The following NBN variants were observed in gnomAD, a reference collection of about 807,000 sequenced individuals.
The protein encoded by NBN is nibrin, also known as Nijmegen breakage syndrome 1 (nibrin).
A neutral mutation model predicts 90.8 loss-of-function variants in NBN; 88 were observed. That is an observed-to-expected ratio of 0.97 (90% confidence interval 0.82 to 1.16). The LOEUF is 1.16. Among genes scored for constraint, NBN ranks in the 50% most tolerant of loss-of-function variants. The probability of loss-of-function intolerance (pLI) is 0.00; values close to 1 mark genes in which losing one functional copy is unlikely to be tolerated. For synonymous variants in NBN, 328 were observed against 295.1 expected, an observed-to-expected ratio of 1.11 and a Z score of -1.14; for missense variants, 894 against 869.6, an observed-to-expected ratio of 1.03 and a Z score of -0.35.
chr8:89,982,498 CAA>C (rs1812116714), intron 2 of NBN: 2 of 564,302 alleles, frequency 3.5e-6, no homozygotes, highest in Admixed American at 3.3e-5. Context: ...CTAACTAAAA[CAA>C]AGAGTAAATT....
intron 9 of NBN, among the ~76,000 whole-genome samples, chr8:89,958,502 A>T (rs375430875): frequency 4.2e-4 from 64 of 152,262 alleles, no homozygotes; most frequent in Non-Finnish European, 9.0e-4. Context: ...AGAGTGGAGG[A>T]GCTGGGACAG....
At chr8:89,947,668 T>G (rs1288553224) in intron 12 of NBN, among the ~76,000 whole-genome samples, 156 bp downstream of exon 12, 1 of 151,676 alleles carries the variant, frequency 6.6e-6, no homozygotes, top group Non-Finnish European at 1.5e-5. Context: ...ATAATAATAA[T>G]AATAATACCA....
chr8:89,943,383 G>T lies in NBN; in HGVS notation c.2071-17C>A, dbSNP rs776240552. ...ATATGTGACCTATTGAATAATAAAA[G>T]TAGTACAGTAAATCATATTAACAAA... On this transcript the variant is annotated splice_polypyrimidine_tract_variant and intron_variant, in intron 13 of 15. Transcript: ENST00000265433. 1.9e-6 allele frequency: 3 copies of T among 1,596,948 alleles called. No individual in the cohort carries two copies. In the South Asian group the frequency reaches 3.3e-5, roughly 18 times the overall value.
intron 9 of NBN, among the ~76,000 whole-genome samples, chr8:89,956,497 CTA>C (rs1810724382): frequency 6.6e-6 from 1 of 152,064 alleles, no homozygotes; most frequent in Non-Finnish European, 1.5e-5. Context: ...CATAGAAAAA[CTA>C]TCTTTATGGA....
chr8:89,970,733 TG>T (rs1485866814), intron 6 of NBN, 176 bp from the exon 7 acceptor site: 1 of 180,780 alleles, frequency 5.5e-6, no homozygotes, highest in East Asian at 1.9e-4. Flanking sequence ...TCTGCGGCCC[TG>T]GAACTGTTAC....
chr8:89,963,114 A>T (rs1232485083), intron 8 of NBN, among the ~76,000 whole-genome samples: 4 of 152,226 alleles, frequency 2.6e-5, no homozygotes, highest in African/African-American at 9.6e-5. Context: ...TGCACACTCC[A>T]GAGACAGCAG....
intron 13 of NBN, among the ~76,000 whole-genome samples, chr8:89,945,172 A>G (rs1057221119): frequency 1.3e-5 from 2 of 152,174 alleles, no homozygotes; most frequent in African/African-American, 4.8e-5. Context: ...ATTTAATGAG[A>G]TCTTATAACA....
At chr8:89,983,287 A>G (rs1166518857) in intron 1 of NBN, among the ~76,000 whole-genome samples, 2 of 152,082 alleles carry the variant, frequency 1.3e-5, no homozygotes, top group Non-Finnish European at 2.9e-5. Context: ...TCAGGAAACT[A>G]TAAAAAAAGA....
chr8:89,956,480 A>G (rs572245926), intron 9 of NBN, among the ~76,000 whole-genome samples: 2 of 152,106 alleles, frequency 1.3e-5, no homozygotes, highest in Non-Finnish European at 2.9e-5. Flanking sequence ...CTCTTCAGAT[A>G]AAGAACCATA....
intron 15 of NBN, among the ~76,000 whole-genome samples, chr8:89,936,611 C>T (rs1383678591): frequency 1.3e-5 from 2 of 152,144 alleles, no homozygotes; most frequent in East Asian, 1.9e-4. Flanking sequence ...AAACCTCCCA[C>T]AAAAACCTGC....
In NBN at chr8:89,964,500, G is replaced by C. The variant is rs2129787198; in HGVS notation, c.904C>G (p.Leu302Val). The C allele has an allele frequency of 6.3e-7, 1 of 1,590,410 alleles. No individual in the cohort carries two copies. Among genetic ancestry groups the C allele is most frequent in the Non-Finnish European group, 8.6e-7 (1 of 1,158,702 alleles). ...SIMDMLQRQGLRPIPEAEIGL... is the reference protein window; with the variant it reads ...SIMDMLQRQGVRPIPEAEIGL... ...ATTTCTGCTTCAGGAATAGGTCTAA[G>C]ACCTTGCCTATTAGAATAAAATAGT... The change falls in exon 8 of 16, where the codon CTT becomes GTT. Residue 302 changes from leucine (L) to valine (V), a missense_variant. Physicochemically the swap from Leu to Val is conservative, Grantham distance 32. Coordinates refer to ENST00000265433, the MANE Select transcript of NBN (RefSeq NM_002485.5).
chr8:89,976,694 T>C (rs1811775159), intron 5 of NBN, among the ~76,000 whole-genome samples: 1 of 152,208 alleles, frequency 6.6e-6, no homozygotes, highest in Non-Finnish European at 1.5e-5. Context: ...ACTGGATACC[T>C]GTGTTTGAGT....
rs1809535656 is a variant in NBN, at chr8:89,933,625, C to G, written c.*1957G>C. 1 of 231,950 alleles carries G rather than the reference C, an allele frequency of 4.3e-6. No individual in the cohort carries two copies. Among genetic ancestry groups the G allele is most frequent in the Non-Finnish European group, 8.5e-6 (1 of 117,502 alleles). 14.4% of individuals were successfully genotyped at this position (231,950 alleles called of 1,614,324 possible). On this transcript the variant is annotated 3_prime_UTR_variant, in exon 16 of 16. Coordinates refer to ENST00000265433, the MANE Select transcript of NBN (RefSeq NM_002485.5). ...GATCCATAATTCACAACATACATAT[C>G]AATTCAAGGTAGATCACAAATATAA...
intron 4 of NBN, among the ~76,000 whole-genome samples, chr8:89,979,742 G>A (rs541919992): frequency 6.6e-6 from 1 of 152,192 alleles, no homozygotes; most frequent in African/African-American, 2.4e-5. Context: ...AAACCACGTT[G>A]GTGTGTGTAA....
At chr8:89,976,655 G>A (rs1811773064) in intron 5 of NBN, among the ~76,000 whole-genome samples, 2 of 152,148 alleles carry the variant, frequency 1.3e-5, no homozygotes, top group African/African-American at 4.8e-5. Flanking sequence ...AGTGTCTGTG[G>A]GTGGCCCAGC....
At chr8:89,936,962 TGAACA>T (rs1809715125) in intron 15 of NBN, 59 bp downstream of exon 15, 1 of 1,309,754 alleles carries the variant, frequency 7.6e-7, no homozygotes, top group African/African-American at 1.4e-5. Context: ...TTAATTTCTA[TGAACA>T]GAACTAAATT....
At chr8:89,982,464 C>T (rs1242216188) in intron 2 of NBN, 1 of 510,698 alleles carries the variant, frequency 2.0e-6, no homozygotes, top group Non-Finnish European at 3.5e-6. Context: ...ATAAAAATAA[C>T]TATGTCCTAC....
chr8:89,982,740 G>C lies in NBN; in HGVS notation c.153C>G (p.Asn51Lys), dbSNP rs876661214. Reference protein sequence around the residue: ...ISRNHAVLTANFSVTNLSQTD... With the variant: ...ISRNHAVLTAKFSVTNLSQTD... ...AACATACCAGGTTGGTTACAGAAAA[G>C]TTAGCAGTTAACACAGCATGATTTC... The change falls in exon 2 of 16, where the codon AAC (asparagine) becomes AAG (lysine). Residue 51 changes from asparagine to lysine, a missense_variant. By Grantham distance (94) the Asn-to-Lys change is moderately conservative. Coordinates refer to ENST00000265433, the MANE Select transcript of NBN (RefSeq NM_002485.5). The C allele has an allele frequency of 6.2e-7, 1 of 1,613,922 alleles. No homozygotes were observed. Among genetic ancestry groups the C allele is most frequent in the East Asian group, 2.2e-5 (1 of 44,836 alleles).
Position 89,934,837 on chromosome 8 carries a change from G to A in NBN, c.*745C>T, listed in dbSNP as rs1002384418. On this transcript the variant is annotated 3_prime_UTR_variant, in exon 16 of 16. Transcript: ENST00000265433. ...TCTACTTTATAAGTAGGAAAACTAG[G>A]ACTCTAAATAAGCTCAAAACAGACA... The A allele has an allele frequency of 3.9e-5, 9 of 232,774 alleles. No homozygotes were observed. The highest frequency in any genetic ancestry group is 6.8e-5 in the Non-Finnish European group (8 of 117,898). The allele number at this position is 232,774 out of a possible 1,614,324, so 14.4% of individuals were successfully genotyped here.
Sources: allele counts gnomAD v4.1 joint callset (sites outside exome capture counted in the v4.1 genomes callset), GRCh38; gene constraint gnomAD v4.1.1; transcripts MANE v1.5; gene names NCBI Gene and HGNC (gene_info 2026-07-23, HGNC 2026-07-21).